NAALAD2: variants seen among roughly 807,000 people sequenced by gnomAD.
NAALAD2 encodes the protein N-acetylated alpha-linked acidic dipeptidase 2, also known as N-acetylated-alpha-linked acidic dipeptidase 2.
Under a neutral mutation model 95.6 loss-of-function variants are expected in NAALAD2, and 89 were observed. The observed-to-expected ratio is 0.93, with a 90% confidence interval of 0.78 to 1.11. NAALAD2 has a LOEUF of 1.11. Among genes scored for constraint, NAALAD2 ranks in the 50% least tolerant of loss-of-function variants. The pLI is 0.00. For synonymous variants in NAALAD2, 264 were observed against 294.4 expected (o/e 0.90, Z 1.06); for missense variants, 894 against 872.4 (o/e 1.02, Z -0.31).
chr11:90,171,571 G>A (rs1459225094), intron 13 of NAALAD2, among the ~76,000 whole-genome samples: 1 of 152,166 alleles, frequency 6.6e-6, no homozygotes, highest in Non-Finnish European at 1.5e-5. Flanking sequence ...AGAATTTGGT[G>A]GTTGATAAGG....
chr11:90,169,974 A>T, intron 12 of NAALAD2, 95 bp from the exon 13 acceptor site: 1 of 816,518 alleles, frequency 1.2e-6, no homozygotes, highest in Non-Finnish European at 2.1e-6. Flanking sequence ...AGATCATTAT[A>T]TCTTGTTTAA....
chr11:90,139,096 G>A (rs1951534820), intron 2 of NAALAD2, among the ~76,000 whole-genome samples: 1 of 151,966 alleles, frequency 6.6e-6, no homozygotes, highest in Non-Finnish European at 1.5e-5. Context: ...CAGGGTTTCT[G>A]GGTAGCCAGA....
intron 11 of NAALAD2, among the ~76,000 whole-genome samples, chr11:90,166,842 A>AT (rs1247622939): frequency 2.3e-5 from 3 of 128,398 alleles, no homozygotes; most frequent in African/African-American, 9.3e-5. Flanking sequence ...CTCCAAAAAA[A>AT]AAAAAAAAAA....
At chr11:90,147,306 T>G (rs1402047252) in intron 2 of NAALAD2, 24 bp from the exon 3 acceptor site, 1 of 1,586,464 alleles carries the variant, frequency 6.3e-7, no homozygotes. Flanking sequence ...TTTAATGCCC[T>G]CTTATGTTTT....
At chr11:90,189,539 C>T (rs1269058144) in intron 18 of NAALAD2, among the ~76,000 whole-genome samples, 11 of 152,012 alleles carry the variant, frequency 7.2e-5, no homozygotes, top group African/African-American at 1.9e-4. Flanking sequence ...GAGGTTAAGG[C>T]GGGTGGATTA....
intron 2 of NAALAD2, among the ~76,000 whole-genome samples, chr11:90,138,106 T>C (rs1263361912): frequency 2.6e-5 from 4 of 152,140 alleles, no homozygotes; most frequent in African/African-American, 9.7e-5. Flanking sequence ...ACATAGACAA[T>C]TAATATGTAT....
At chr11:90,140,166 CAGAT>C (rs1176831077) in intron 2 of NAALAD2, among the ~76,000 whole-genome samples, 1 of 152,082 alleles carries the variant, frequency 6.6e-6, no homozygotes, top group Non-Finnish European at 1.5e-5. Context: ...GTGGTTTAAG[CAGAT>C]AGTCACCTCA....
At chr11:90,168,866 A>T (rs150330869) in intron 11 of NAALAD2, 63 bp from the exon 12 acceptor site, 138 of 1,338,548 alleles carry the variant, frequency 1.0e-4, no homozygotes, top group Non-Finnish European at 1.4e-4. Flanking sequence ...TAATTTGCTT[A>T]TTTTGTTTAC....
chr11:90,174,786 T>C (rs1952739739), intron 14 of NAALAD2, among the ~76,000 whole-genome samples: 1 of 152,118 alleles, frequency 6.6e-6, no homozygotes, highest in Non-Finnish European at 1.5e-5. Context: ...TGTTTTCTAC[T>C]GTAGTGCCAT....
At chr11:90,150,901 A>C (rs758404935) in intron 5 of NAALAD2, among the ~76,000 whole-genome samples, 2 of 152,134 alleles carry the variant, frequency 1.3e-5, no homozygotes, top group African/African-American at 2.4e-5. Context: ...TACCCACTTC[A>C]TTATTCAGAT....
intron 2 of NAALAD2, among the ~76,000 whole-genome samples, chr11:90,143,167 A>T (rs916224967): frequency 1.3e-5 from 2 of 152,074 alleles, no homozygotes; most frequent in South Asian, 4.1e-4. Flanking sequence ...TTAGGTATTT[A>T]TCGTTTTTGA....
At chr11:90,155,575 ATATATAT>A (rs1952073222) in intron 6 of NAALAD2, among the ~76,000 whole-genome samples, 2 of 58,956 alleles carry the variant, frequency 3.4e-5, no homozygotes, top group Admixed American at 2.4e-4. Context: ...ATAATATATA[ATATATAT>A]GTAATATATA....
At chr11:90,139,425 T>C (rs1299714201) in intron 2 of NAALAD2, among the ~76,000 whole-genome samples, 4 of 152,186 alleles carry the variant, frequency 2.6e-5, no homozygotes, top group African/African-American at 9.7e-5. Context: ...ATACCCTTTG[T>C]AGCATCCCCC....
Position 90,152,479 on chromosome 11 carries a change from CA to C in NAALAD2, c.795del (p.Glu266AsnfsTer50). The C allele has an allele frequency of 6.2e-7, 1 of 1,608,216 alleles. No homozygotes were observed. Among genetic ancestry groups the C allele is most frequent in the Non-Finnish European group, 8.5e-7 (1 of 1,175,738 alleles). ...AGDPLTPGYP[A>X]KEYTFRLDVE... The stretch of plus-strand genomic sequence containing the variant: ...GACCCACTCACTCCAGGCTATCCAG[CA>C]AAAGGTAAGGGATGAGCCTATCAGT... On this transcript the variant is annotated frameshift_variant, in exon 6 of 19. Transcript: ENST00000534061. LOFTEE classifies it high-confidence loss of function.
chr11:90,163,057 A>G (rs1199015655), intron 9 of NAALAD2, 23 bp downstream of exon 9: 1 of 1,496,220 alleles, frequency 6.7e-7, no homozygotes, highest in Non-Finnish European at 9.1e-7. Context: ...ATTTTTTAAA[A>G]CATTTTGTTT....
intron 18 of NAALAD2, among the ~76,000 whole-genome samples, chr11:90,187,947 G>T (rs1591034266): frequency 6.6e-6 from 1 of 152,136 alleles, no homozygotes; most frequent in Non-Finnish European, 1.5e-5. Context: ...CTTTAATTGA[G>T]CAAAGAATGA....
At chr11:90,140,517 C>CA (rs1045521184) in intron 2 of NAALAD2, among the ~76,000 whole-genome samples, 25 of 150,984 alleles carry the variant, frequency 1.7e-4, no homozygotes, top group African/African-American at 6.1e-4. Flanking sequence ...CTGCAAATCT[C>CA]AAAAAAATTT....
chr11:90,188,400 A>G (rs1251185626), intron 18 of NAALAD2, among the ~76,000 whole-genome samples: 1 of 152,224 alleles, frequency 6.6e-6, no homozygotes, highest in African/African-American at 2.4e-5. Flanking sequence ...AACGTGTCTT[A>G]GTCCATTCCT....
intron 3 of NAALAD2, among the ~76,000 whole-genome samples, chr11:90,148,205 C>T (rs11018880): frequency 0.13 from 20,257 of 151,944 alleles, 1,539 homozygotes; most frequent in South Asian, 0.21. Context: ...GGCTAAGCAA[C>T]GGGTTAAAGT....
Sources: allele counts gnomAD v4.1 joint callset (sites outside exome capture counted in the v4.1 genomes callset), GRCh38; gene constraint gnomAD v4.1.1; transcripts MANE v1.5; gene names NCBI Gene and HGNC (gene_info 2026-07-23, HGNC 2026-07-21).